PARG: variants seen among roughly 807,000 people sequenced by gnomAD.
PARG encodes the protein mitochondrial poly(ADP-ribose) glycohydrolase.
A neutral mutation model predicts 113.0 loss-of-function variants in PARG; 35 were observed. The observed-to-expected ratio is 0.31, with a 90% CI of 0.24 to 0.41. PARG has a LOEUF of 0.41. PARG is among the 10% of genes least tolerant of loss of function. The probability of loss-of-function intolerance (pLI) is 1.00; values close to 1 mark genes in which losing one functional copy is unlikely to be tolerated. For synonymous variants in PARG, 330 were observed against 409.9 expected (o/e 0.81, Z 2.36); for missense variants, 797 against 1,169.4 (o/e 0.68, Z 4.64).
intron 6 of PARG, among the ~76,000 whole-genome samples, chr10:49,920,401 C>T (rs1837731406): frequency 1.4e-5 from 2 of 145,112 alleles, no homozygotes; most frequent in Non-Finnish European, 1.5e-5. Flanking sequence ...GAGCTGTGAT[C>T]ACCCCACTGC....
intron 9 of PARG, among the ~76,000 whole-genome samples, chr10:49,878,876 T>C (rs10857544): frequency 0.42 from 63,248 of 149,918 alleles, 16,112 homozygotes; most frequent in East Asian, 0.59. Flanking sequence ...AGAAAACTCA[T>C]ATATTCTATT....
At chr10:49,878,927 CAG>C (rs1554838896) in intron 9 of PARG, among the ~76,000 whole-genome samples, 3 of 151,844 alleles carry the variant, frequency 2.0e-5, no homozygotes, top group Non-Finnish European at 4.4e-5. Context: ...AAGAAAGAAA[CAG>C]AGGTGGGGAT....
chr10:49,930,611 A>C (rs1264704888), intron 4 of PARG, among the ~76,000 whole-genome samples: 8 of 152,238 alleles, frequency 5.3e-5, no homozygotes, highest in Non-Finnish European at 8.8e-5. Context: ...TATAAATCTT[A>C]TATATCTGTC....
At chr10:49,864,940 T>C (rs2132555748) in intron 11 of PARG, among the ~76,000 whole-genome samples, 1 of 143,746 alleles carries the variant, frequency 7.0e-6, no homozygotes, top group Admixed American at 7.0e-5. Context: ...CTCAATCTTG[T>C]CCTCCAGAAA....
chr10:49,895,408 C>CT (rs1171133023), intron 7 of PARG, among the ~76,000 whole-genome samples: 73 of 145,552 alleles, frequency 5.0e-4, no homozygotes, highest in East Asian at 8.0e-4. Context: ...GAACTGATAT[C>CT]TTTTTTTTTT....
At chr10:49,926,104 A>AGCACATTGGGGGGCCC (rs1554850524) in intron 4 of PARG, among the ~76,000 whole-genome samples, 2 of 152,100 alleles carry the variant, frequency 1.3e-5, no homozygotes, top group Non-Finnish European at 1.5e-5. Context: ...TGTCTGTAAT[A>AGCACATTGGGGGGCCC]AGCTAGAAAG....
At chr10:49,840,158 G>A (rs569800442) in intron 15 of PARG, among the ~76,000 whole-genome samples, 2 of 152,140 alleles carry the variant, frequency 1.3e-5, no homozygotes, top group Non-Finnish European at 2.9e-5. Flanking sequence ...GGAGGCCGAC[G>A]GGGAGGAGAT....
Position 49,922,320 on chromosome 10 carries a change from G to T in PARG, c.1662+16C>A. The T allele has an allele frequency of 1.3e-6, 2 of 1,589,498 alleles. No homozygotes were observed. Among genetic ancestry groups the T allele is most frequent in the South Asian group, 2.3e-5 (2 of 87,428 alleles). ...ACAGGGCCCATAAACAGGCAAGCAT[G>T]GTAAAAACAACATACCTTCAAGTTT... On this transcript the variant is annotated intron_variant, in intron 6 of 17. Coordinates refer to ENST00000616448, the MANE Select transcript of PARG (RefSeq NM_003631.5).
intron 15 of PARG, among the ~76,000 whole-genome samples, chr10:49,837,034 C>G (rs1334692984): frequency 1.3e-5 from 2 of 152,126 alleles, no homozygotes; most frequent in African/African-American, 2.4e-5. Flanking sequence ...TAAAATAATT[C>G]TCCTTTAGAA....
At chr10:49,912,187 C>T (rs1158453246) in intron 7 of PARG, among the ~76,000 whole-genome samples, 5 of 152,172 alleles carry the variant, frequency 3.3e-5, no homozygotes, top group Admixed American at 3.3e-4. Context: ...GTAGTCCCAG[C>T]TACTCAGGAG....
chr10:49,843,864 G>T (rs1845365795), intron 13 of PARG, among the ~76,000 whole-genome samples: 1 of 152,204 alleles, frequency 6.6e-6, no homozygotes, highest in Non-Finnish European at 1.5e-5. Context: ...AGGAATCACT[G>T]AACTAAAGAG....
intron 7 of PARG, among the ~76,000 whole-genome samples, chr10:49,910,579 A>G (rs1837120175): frequency 6.6e-6 from 1 of 152,012 alleles, no homozygotes; most frequent in Admixed American, 6.6e-5. Context: ...AAACCAATGG[A>G]AGGATGAAAC....
Position 49,941,588 on chromosome 10 carries a change from C to G in PARG, c.138G>C (p.Val46=). ...RRVLDPKDAH[V]QFRVPPSSPA... is the part of the protein sequence containing the mutation. Reference sequence around the variant, plus strand: ...GCGAGGACGGTGGGACCCTGAACTGCACGTGAGCGTCCTTGGGGTCGAGGA... The same window carrying G: ...GCGAGGACGGTGGGACCCTGAACTGGACGTGAGCGTCCTTGGGGTCGAGGA... The change falls in exon 1 of 18, where the codon GTG becomes GTC. Residue 46 remains valine, a synonymous_variant. Transcript: ENST00000616448. 1 of 1,569,194 alleles carries G rather than the reference C, an allele frequency of 6.4e-7. No individual in the cohort carries two copies. Among genetic ancestry groups the G allele is most frequent in the Non-Finnish European group, 8.6e-7 (1 of 1,157,856 alleles).
At chr10:49,894,800 C>G (rs185727365) in intron 7 of PARG, among the ~76,000 whole-genome samples, 1 of 152,142 alleles carries the variant, frequency 6.6e-6, no homozygotes, top group Non-Finnish European at 1.5e-5. Flanking sequence ...AACCACAAAC[C>G]AGGCAGCTTA....
chr10:49,920,694 T>C (rs1458933131), intron 6 of PARG, among the ~76,000 whole-genome samples: 7 of 151,056 alleles, frequency 4.6e-5, no homozygotes, highest in African/African-American at 1.5e-4. Context: ...TGCATACACA[T>C]AATTAACATT....
intron 6 of PARG, among the ~76,000 whole-genome samples, chr10:49,920,185 C>T (rs1397800353): frequency 1.3e-5 from 2 of 151,648 alleles, no homozygotes; most frequent in Non-Finnish European, 2.9e-5. Context: ...CCTATAATCC[C>T]AGCCAGCACC....
chr10:49,904,617 A>C (rs1296175588), intron 7 of PARG, among the ~76,000 whole-genome samples: 3 of 151,642 alleles, frequency 2.0e-5, no homozygotes, highest in Admixed American at 2.0e-4. Context: ...AAACTGCTCT[A>C]AAAAAAGAAA....
At chr10:49,842,193 A>G (rs1845277188) in intron 14 of PARG, 135 bp from the exon 15 acceptor site, 1 of 635,774 alleles carries the variant, frequency 1.6e-6, no homozygotes, top group Non-Finnish European at 2.8e-6. Flanking sequence ...AGGTCTGAGC[A>G]AAAGGAAAGG....
At chr10:49,828,800 A>G (rs138843014) in intron 16 of PARG, among the ~76,000 whole-genome samples, 16 of 152,306 alleles carry the variant, frequency 1.1e-4, no homozygotes, top group African/African-American at 3.9e-4. Flanking sequence ...CCTTGAGCCC[A>G]GGAGGTTGAG....
Sources: gnomAD v4.1 joint callset for allele counts (sites outside exome capture counted in the v4.1 genomes callset) on GRCh38, gnomAD v4.1.1 for gene constraint, MANE v1.5 for transcripts, NCBI Gene and HGNC (gene_info 2026-07-23, HGNC 2026-07-21) for gene names.